SPTA1: variants seen among roughly 807,000 people sequenced by gnomAD.
The protein encoded by SPTA1 is spectrin alpha, erythrocytic 1.
Under a neutral mutation model 324.7 loss-of-function variants are expected in SPTA1, and 177 were observed. The ratio of observed to expected loss-of-function variants is 0.55; its 90% CI spans 0.48 to 0.62. The LOEUF is 0.62. Ranked by LOEUF, SPTA1 falls within the 20% of genes least tolerant of loss-of-function variation. The pLI is 0.00. For synonymous variants in SPTA1, 1,195 were observed against 1,041.3 expected, an observed-to-expected ratio of 1.15 and a Z score of -2.84; for missense variants, 3,162 against 2,883.6, an observed-to-expected ratio of 1.10 and a Z score of -2.21.
intron 16 of SPTA1, among the ~76,000 whole-genome samples, chr1:158,663,444 G>A (rs575533211): frequency 6.6e-6 from 1 of 152,186 alleles, no homozygotes; most frequent in South Asian, 2.1e-4. Flanking sequence ...AGCTCAGAAA[G>A]ATAAATTTAA....
At position 158,644,134 on chromosome 1, in the gene SPTA1, C is replaced by T. The variant is rs1571433577; in HGVS notation, c.4338+119G>A. The T allele has an allele frequency of 3.0e-6, 4 of 1,320,984 alleles. No individual in the cohort carries two copies. In the East Asian group the frequency reaches 7.8e-5, roughly 26 times the overall value. 81.8% of individuals were successfully genotyped at this position (1,320,984 alleles called of 1,614,324 possible). On this transcript the variant is annotated intron_variant, in intron 30 of 51. Coordinates refer to ENST00000643759, the MANE Select transcript of SPTA1 (RefSeq NM_003126.4). ...CCTGGGTGACAGAATGAGACTCCAT[C>T]TCAAAAAAAAAAAAAGTAAATCAAA...
chr1:158,639,742 A>G, intron 34 of SPTA1, 56 bp from the exon 35 acceptor site: 1 of 1,612,214 alleles, frequency 6.2e-7, no homozygotes, highest in Non-Finnish European at 8.5e-7. Context: ...TTTAAGGAGA[A>G]TAAGATCAGC....
chr1:158,667,494 C>T (rs1368073032), intron 15 of SPTA1, among the ~76,000 whole-genome samples: 1 of 152,050 alleles, frequency 6.6e-6, no homozygotes, highest in Admixed American at 6.6e-5. Flanking sequence ...AATATCTTGT[C>T]TAGCTTATAG....
At chr1:158,634,336 C>T (rs1650900368) in intron 39 of SPTA1, among the ~76,000 whole-genome samples, 1 of 152,230 alleles carries the variant, frequency 6.6e-6, no homozygotes, top group Non-Finnish European at 1.5e-5. Flanking sequence ...GTCCTGCCTT[C>T]ATGCCTGATT....
At chr1:158,622,530 T>C (rs1274888292) in intron 43 of SPTA1, among the ~76,000 whole-genome samples, 24 of 152,170 alleles carry the variant, frequency 1.6e-4, no homozygotes, top group Admixed American at 1.4e-3. Context: ...ATTTTCTAAA[T>C]GGGGATATCA....
At chr1:158,686,105 T>G (rs1235250736) in intron 1 of SPTA1, among the ~76,000 whole-genome samples, 1 of 152,220 alleles carries the variant, frequency 6.6e-6, no homozygotes, top group Non-Finnish European at 1.5e-5. Context: ...CTAGCTTACC[T>G]CAGCCAAAAT....
At chr1:158,667,588 C>A (rs989260747) in intron 15 of SPTA1, among the ~76,000 whole-genome samples, 1 of 152,032 alleles carries the variant, frequency 6.6e-6, no homozygotes, top group Non-Finnish European at 1.5e-5. Context: ...GTGAGGAAAA[C>A]AAAAGCAATT....
At chr1:158,619,461 T>C in intron 44 of SPTA1, 127 bp from the exon 45 acceptor site, 1 of 877,866 alleles carries the variant, frequency 1.1e-6, no homozygotes, top group Non-Finnish European at 1.9e-6. Flanking sequence ...CACAGGTATG[T>C]GCCTGTGTGC....
rs201635013 is a variant in SPTA1 at position 158,639,705 on chromosome 1, G to A, written c.4876-19C>T. 119 of 1,613,542 alleles carry A rather than the reference G, an allele frequency of 7.4e-5. No homozygotes were observed. In the African/African-American group the frequency reaches 1.3e-3, roughly 18 times the overall value. Reference sequence around the variant, plus strand: ...TCTCTGCCTGGAAATAGAGAAATAAGCAATAAAGCTGCCAGGTGAAACTGC... The same window carrying A: ...TCTCTGCCTGGAAATAGAGAAATAAACAATAAAGCTGCCAGGTGAAACTGC... On this transcript the variant is annotated intron_variant, in intron 34 of 51. Transcript: ENST00000643759.
At chr1:158,615,042 T>C in intron 48 of SPTA1, 174 bp downstream of exon 48, 1 of 711,910 alleles carries the variant, frequency 1.4e-6, no homozygotes, top group Non-Finnish European at 2.4e-6. Flanking sequence ...TTTTATTTCA[T>C]GATGGATTTC....
intron 33 of SPTA1, among the ~76,000 whole-genome samples, chr1:158,640,238 A>G (rs944369080): frequency 1.3e-5 from 2 of 152,220 alleles, no homozygotes; most frequent in African/African-American, 4.8e-5. Flanking sequence ...AGACTGACAT[A>G]CAAATGCCAA....
intron 40 of SPTA1, among the ~76,000 whole-genome samples, 166 bp from the exon 41 acceptor site, chr1:158,627,173 A>G (rs180871236): frequency 6.9e-4 from 105 of 152,288 alleles, no homozygotes; most frequent in Admixed American, 1.1e-3. Context: ...TCTCTGTTTA[A>G]TGGTCTTTAT....
chr1:158,643,940 C>T (rs968545351), intron 30 of SPTA1, among the ~76,000 whole-genome samples: 1 of 151,946 alleles, frequency 6.6e-6, no homozygotes, highest in Non-Finnish European at 1.5e-5. Context: ...AGTTCGAGAC[C>T]AGCCTGGCTA....
intron 3 of SPTA1, 128 bp downstream of exon 3, chr1:158,683,243 A>T (rs1654931364): frequency 3.0e-6 from 4 of 1,331,096 alleles, no homozygotes; most frequent in Non-Finnish European, 4.3e-6. Flanking sequence ...CCTCAACCCC[A>T]GGGGAAGATA....
intron 39 of SPTA1, among the ~76,000 whole-genome samples, chr1:158,632,751 G>C (rs375126867): frequency 9.0e-4 from 127 of 141,722 alleles, no homozygotes; most frequent in African/African-American, 3.3e-3. Flanking sequence ...AACAGGAAAG[G>C]AATTTGGCTT....
At chr1:158,671,577 T>A (rs572252589) in intron 11 of SPTA1, 124 bp from the exon 12 acceptor site, 2 of 750,934 alleles carry the variant, frequency 2.7e-6, no homozygotes, top group African/African-American at 1.7e-5. Context: ...CACATTATGA[T>A]AATGGGTAGA....
At chr1:158,650,346 T>C (rs1161486519) in intron 24 of SPTA1, among the ~76,000 whole-genome samples, 2 of 152,194 alleles carry the variant, frequency 1.3e-5, no homozygotes, top group Non-Finnish European at 2.9e-5. Context: ...CTACTTTCTA[T>C]AGGGGGTAAG....
At chr1:158,641,886 A>G (rs1651613199) in intron 33 of SPTA1, among the ~76,000 whole-genome samples, 1 of 152,202 alleles carries the variant, frequency 6.6e-6, no homozygotes, top group Non-Finnish European at 1.5e-5. Context: ...CACTATTCAC[A>G]ATAGCAAAGA....
At position 158,667,878 on chromosome 1, in the gene SPTA1, A is replaced by G; in HGVS notation, c.2018T>C (p.Leu673Pro). 6.2e-7 allele frequency: 1 copy of G among 1,613,998 alleles called. No individual in the cohort carries two copies. Among genetic ancestry groups the G allele is most frequent in the Non-Finnish European group, 8.5e-7 (1 of 1,179,978 alleles). Residue 673 changes from leucine to proline, a missense_variant, in exon 15 of 52, where the codon CTG becomes CCG. Leu to Pro is a moderately conservative substitution (Grantham distance 98). Transcript: ENST00000643759. ...SEVASLWEEL[L>P]EATKQKGTQL... is the part of the protein sequence containing the mutation. ...TTTACCTTTCTGTTTTGTAGCCTCCAGCAACTCCTCCCAGAGGCTGGCAAC... is the reference window on the plus strand; with the variant it reads ...TTTACCTTTCTGTTTTGTAGCCTCCGGCAACTCCTCCCAGAGGCTGGCAAC...
Sources: gnomAD v4.1 joint callset for allele counts (sites outside exome capture counted in the v4.1 genomes callset) on GRCh38, gnomAD v4.1.1 for gene constraint, MANE v1.5 for transcripts, NCBI Gene and HGNC (gene_info 2026-07-23, HGNC 2026-07-21) for gene names.